WDR17: variants seen among roughly 807,000 people sequenced by gnomAD.
The protein encoded by WDR17 is WD repeat-containing protein 17.
Under a neutral mutation model 161.7 loss-of-function variants are expected in WDR17, and 143 were observed. That is an observed-to-expected ratio of 0.88 (90% CI 0.77 to 1.02). The LOEUF is 1.02. Ranked by LOEUF, WDR17 falls within the 50% of genes least tolerant of loss-of-function variation. The pLI, the probability that WDR17 is intolerant of heterozygous loss-of-function variation, is 0.00. For missense variants in WDR17, 1,469 were observed against 1,520.9 expected, an observed-to-expected ratio of 0.97 and a Z score of 0.57; for synonymous variants, 517 against 515.6, an observed-to-expected ratio of 1.00 and a Z score of -0.04.
intron 17 of WDR17, among the ~76,000 whole-genome samples, chr4:176,153,105 C>T (rs1025487858): frequency 5.3e-5 from 8 of 152,118 alleles, no homozygotes; most frequent in East Asian, 1.9e-4. Context: ...TCAGAAACTG[C>T]GGGGTTGGAG....
chr4:176,175,015 A>ACTC (rs1174171644), intron 26 of WDR17, among the ~76,000 whole-genome samples: 1 of 152,020 alleles, frequency 6.6e-6, no homozygotes, highest in African/African-American at 2.4e-5. Context: ...AGGACCTGAT[A>ACTC]CTCCCTTCTT....
intron 8 of WDR17, among the ~76,000 whole-genome samples, chr4:176,136,090 G>A (rs560503118): frequency 2.0e-5 from 3 of 151,420 alleles, no homozygotes; most frequent in African/African-American, 7.3e-5. Flanking sequence ...GTGTATATAC[G>A]CCTATATCTG....
chr4:176,128,708 T>TA lies in WDR17; in HGVS notation c.791-26dup, dbSNP rs1478776553. On this transcript the variant is annotated intron_variant, in intron 5 of 28. Transcript: ENST00000508596. ...CATTTTAGTTTCATACAAAACTTGTTAAAATGTGCTTTTTCCCTGATCTGA... is the reference window on the plus strand; with the variant it reads ...CATTTTAGTTTCATACAAAACTTGTTAAAAATGTGCTTTTTCCCTGATCTGA... 4 of 1,584,410 alleles carry TA rather than the reference T, an allele frequency of 2.5e-6. No homozygotes were observed. In the African/African-American group the frequency reaches 4.1e-5, roughly 16 times the overall value.
In WDR17 at chr4:176,168,712, G is replaced by T; in HGVS notation, c.3031G>T (p.Glu1011Ter). 6.2e-7 allele frequency: 1 copy of T among 1,613,574 alleles called. No homozygotes were observed. Among genetic ancestry groups the T allele is most frequent in the South Asian group, 1.1e-5 (1 of 91,036 alleles). ...ADLLLMIPDNELHLIKLCAFY... is the reference protein window; with the variant it reads ...ADLLLMIPDN ...TCTTCTTCTGATGATTCCTGATAATGAACTACATTTAATAAAACTCTGTGC... is the reference window on the plus strand; with the variant it reads ...TCTTCTTCTGATGATTCCTGATAATTAACTACATTTAATAAAACTCTGTGC... Residue 1011 changes from glutamate to a stop codon, truncating the protein, a stop_gained, in exon 23 of 29, where the codon GAA (glutamate) becomes TAA (stop). Coordinates refer to ENST00000508596, the MANE Select transcript of WDR17 (RefSeq NM_181265.4). LOFTEE classifies it high-confidence loss of function.
At chr4:176,125,023 A>G (rs1393929074) in intron 4 of WDR17, 81 bp from the exon 5 acceptor site, 24 of 1,486,842 alleles carry the variant, frequency 1.6e-5, no homozygotes, top group Middle Eastern at 3.5e-4. Context: ...TAGATATTGT[A>G]CAAGGAAAAA....
chr4:176,162,287 C>T (rs890889093), intron 21 of WDR17, 113 bp downstream of exon 21: 18 of 860,146 alleles, frequency 2.1e-5, no homozygotes, highest in East Asian at 1.4e-4. Context: ...TGCATGTCTT[C>T]GAAGCCTGAG....
chr4:176,071,638 G>A (rs527538211), intron 1 of WDR17, among the ~76,000 whole-genome samples: 1 of 152,144 alleles, frequency 6.6e-6, no homozygotes, highest in East Asian at 1.9e-4. Context: ...TTATTCTTTG[G>A]ATACCTCTCT....
At chr4:176,082,439 C>G (rs1734869788) in intron 1 of WDR17, among the ~76,000 whole-genome samples, 1 of 151,958 alleles carries the variant, frequency 6.6e-6, no homozygotes, top group African/African-American at 2.4e-5. Flanking sequence ...TGAAAATAGG[C>G]AACCTAAAAG....
At chr4:176,143,055 T>A (rs1745540608) in intron 11 of WDR17, among the ~76,000 whole-genome samples, 1 of 152,176 alleles carries the variant, frequency 6.6e-6, no homozygotes, top group Non-Finnish European at 1.5e-5. Context: ...AATTTTGTAT[T>A]TTTAGTAGAG....
chr4:176,094,229 C>T (rs916052948), intron 1 of WDR17, among the ~76,000 whole-genome samples: 5 of 152,156 alleles, frequency 3.3e-5, no homozygotes, highest in African/African-American at 1.2e-4. Context: ...GGAATATATG[C>T]CTTCAGTTCA....
intron 11 of WDR17, among the ~76,000 whole-genome samples, chr4:176,142,363 G>A (rs532994725): frequency 1.3e-5 from 2 of 152,288 alleles, no homozygotes; most frequent in Admixed American, 1.3e-4. Context: ...TCCATTGCAT[G>A]TATGGCTTCT....
intron 1 of WDR17, among the ~76,000 whole-genome samples, chr4:176,108,979 A>G (rs1183629642): frequency 6.6e-6 from 1 of 152,016 alleles, no homozygotes; most frequent in East Asian, 1.9e-4. Flanking sequence ...TTGTAGAGAT[A>G]GGGTCTCCCT....
rs1296239946 is a variant in WDR17 at position 176,149,805 on chromosome 4, AG to A, written c.1898del. On this transcript the variant is annotated splice_acceptor_variant, in intron 13 of 28. Transcript: ENST00000508596. LOFTEE classifies it high-confidence loss of function. ...CTTAAAATAGGTTTTTATTTTCATC[AG>A]GTTTAACCTGCCATCCCAGTCGCCC... 6.2e-7 allele frequency: 1 copy of A among 1,607,526 alleles called. No homozygotes were observed. The highest frequency in any genetic ancestry group is 1.3e-5 in the African/African-American group (1 of 74,476).
intron 16 of WDR17, 141 bp downstream of exon 16, chr4:176,150,734 A>C (rs1294119423): frequency 7.4e-6 from 6 of 810,246 alleles, no homozygotes; most frequent in Non-Finnish European, 1.0e-5. Context: ...CATCTTGGGT[A>C]AAATGAATCA....
Position 176,179,515 on chromosome 4 carries a change from T to C in WDR17, c.3788T>C (p.Leu1263Ser), listed in dbSNP as rs148938675. 9 of 1,607,968 alleles carry C rather than the reference T, an allele frequency of 5.6e-6. No individual in the cohort carries two copies. The African/African-American group carries it at 1.2e-4, about 22-fold the overall frequency. The change falls in exon 29 of 29, where the codon TTG becomes TCG. Residue 1263 changes from leucine (L) to serine (S), a missense_variant. Physicochemically the swap from Leu to Ser is moderately radical, Grantham distance 145. Coordinates refer to ENST00000508596, the MANE Select transcript of WDR17 (RefSeq NM_181265.4). ...GKSAISLNDA[L>S]MWAKVNPFSP... ...TCTGCTATCTCCTTGAATGATGCTTTGATGTGGGCAAAGGTGAATCCATTC... is the reference window on the plus strand; with the variant it reads ...TCTGCTATCTCCTTGAATGATGCTTCGATGTGGGCAAAGGTGAATCCATTC...
Position 176,141,286 on chromosome 4 carries a change from G to A in WDR17, c.1443-697G>A, listed in dbSNP as rs115944119. ...TTAATGTCTTGGTTTTGGTGCAATG[G>A]TACATAAAACCAACTTCATAAATAG... On this transcript the variant is annotated intron_variant, in intron 10 of 28. Transcript: ENST00000508596. 6.2e-3 allele frequency among the ~76,000 whole-genome samples: 938 copies of A among 152,046 alleles called. 12 individuals are homozygous for A. Among genetic ancestry groups the A allele is most frequent in the African/African-American group, 0.022 (902 of 41,462 alleles).
chr4:176,120,290 A>G, intron 4 of WDR17, among the ~76,000 whole-genome samples, 193 bp downstream of exon 4: 1 of 10,912 alleles, frequency 9.2e-5, no homozygotes, highest in Non-Finnish European at 2.5e-4. Context: ...TTGAAGTTTT[A>G]TATATATATA....
In WDR17 at chr4:176,138,673, A is replaced by G. The variant is rs142551262; in HGVS notation, c.1359+1062A>G. Among the ~76,000 whole-genome samples the G allele has an allele frequency of 4.1e-3, 620 of 151,856 alleles. 5 individuals carry two copies. The highest frequency in any genetic ancestry group is 0.014 in the African/African-American group (568 of 41,510). ...CCAGATTCAAAAATTGTATATCTTT[A>G]CTCATTAGATCAGTTGATTTCTTCT... On this transcript the variant is annotated intron_variant, in intron 9 of 28. Coordinates refer to ENST00000508596, the MANE Select transcript of WDR17 (RefSeq NM_181265.4).
intron 3 of WDR17, among the ~76,000 whole-genome samples, chr4:176,118,862 G>A (rs879752410): frequency 1.8e-4 from 28 of 152,122 alleles, no homozygotes; most frequent in Non-Finnish European, 2.8e-4. Flanking sequence ...TCGGGAGGCT[G>A]AGGCAGGAGA....
Sources: gnomAD v4.1 joint callset for allele counts (sites outside exome capture counted in the v4.1 genomes callset) on GRCh38, gnomAD v4.1.1 for gene constraint, MANE v1.5 for transcripts, NCBI Gene and HGNC (gene_info 2026-07-23, HGNC 2026-07-21) for gene names.